The following KIF26B variants were observed in gnomAD, a reference collection of about 807,000 sequenced individuals.
KIF26B encodes the protein kinesin family member 26B, also known as kinesin-like protein KIF26B.
Under a neutral mutation model 151.2 loss-of-function variants are expected in KIF26B, and 63 were observed. That is an observed-to-expected ratio of 0.42 (90% CI 0.34 to 0.51). The LOEUF (loss-of-function observed/expected upper bound fraction) is 0.51. KIF26B is among the 20% of genes least tolerant of loss of function. The probability of loss-of-function intolerance (pLI) is 0.07; values close to 1 mark genes in which losing one functional copy is unlikely to be tolerated. For missense variants in KIF26B, 2,813 were observed against 2,913.6 expected, an observed-to-expected ratio of 0.97 and a Z score of 0.79; for synonymous variants, 1,357 against 1,262.1, an observed-to-expected ratio of 1.08 and a Z score of -1.59.
chr1:245,474,130 A>C (rs1213402735), intron 4 of KIF26B, among the ~76,000 whole-genome samples: 1 of 132,542 alleles, frequency 7.5e-6, no homozygotes, highest in Non-Finnish European at 1.6e-5. Context: ...TTTTTTTGAG[A>C]TGGAGTCTCG....
chr1:245,506,481 A>T (rs1439078807), intron 4 of KIF26B, among the ~76,000 whole-genome samples: 8 of 152,242 alleles, frequency 5.3e-5, no homozygotes, highest in Admixed American at 5.2e-4. Context: ...AATCTGTATT[A>T]TGATCTTGTC....
chr1:245,346,833 CA>C (rs1672466356), intron 2 of KIF26B, among the ~76,000 whole-genome samples: 1 of 152,220 alleles, frequency 6.6e-6, no homozygotes, highest in African/African-American at 2.4e-5. Context: ...TCTTCCACCT[CA>C]CTGAAGTGCA....
Position 245,519,716 on chromosome 1 carries a change from G to C in KIF26B, c.1167-21051G>C, listed in dbSNP as rs111793849. ...TATAGCCTCCTACACACCTAGGCTA[G>C]AGGGTAGGACTGTTGCTGTACTGAA... is the stretch of plus-strand genomic sequence containing the variant. On this transcript the variant is annotated intron_variant, in intron 4 of 14. Coordinates refer to ENST00000407071, the MANE Select transcript of KIF26B (RefSeq NM_018012.4). Among the ~76,000 whole-genome samples, 643 of 152,300 alleles carry C rather than the reference G, an allele frequency of 4.2e-3. 7 individuals carry two copies. Among genetic ancestry groups the C allele is most frequent in the African/African-American group, 0.015 (605 of 41,556 alleles).
intron 4 of KIF26B, among the ~76,000 whole-genome samples, chr1:245,497,201 A>G (rs1306395587): frequency 6.6e-6 from 1 of 152,168 alleles, no homozygotes; most frequent in African/African-American, 2.4e-5. Context: ...TTAATGTTAA[A>G]TAGCCAAAAA....
intron 5 of KIF26B, among the ~76,000 whole-genome samples, chr1:245,570,695 G>T (rs961890197): frequency 4.6e-5 from 7 of 152,210 alleles, no homozygotes; most frequent in African/African-American, 1.7e-4. Flanking sequence ...AGCTCTTGGT[G>T]TTTGCTCTTC....
At chr1:245,435,053 CTCCATCCA>C (rs60351520) in intron 4 of KIF26B, among the ~76,000 whole-genome samples, 67,070 of 131,914 alleles carry the variant, frequency 0.51, 16,194 homozygotes, top group East Asian at 0.72. Flanking sequence ...CCATCCATCT[CTCCATCCA>C]TCCATCCATC....
intron 3 of KIF26B, among the ~76,000 whole-genome samples, chr1:245,412,650 T>A: frequency 6.6e-6 from 1 of 152,226 alleles, no homozygotes; most frequent in Non-Finnish European, 1.5e-5. Flanking sequence ...GTCAAGATGG[T>A]AACCACATTT....
intron 5 of KIF26B, among the ~76,000 whole-genome samples, chr1:245,545,309 C>T (rs1339725929): frequency 1.3e-5 from 2 of 152,114 alleles, no homozygotes; most frequent in African/African-American, 2.4e-5. Context: ...TCCATCTTGG[C>T]GAGGCTGGTC....
At chr1:245,192,287 A>T (rs2103533465) in intron 2 of KIF26B, among the ~76,000 whole-genome samples, 1 of 152,224 alleles carries the variant, frequency 6.6e-6, no homozygotes. Context: ...AGTGATAAAA[A>T]AGCAGGATAT....
chr1:245,543,018 G>A (rs557645660), intron 5 of KIF26B, among the ~76,000 whole-genome samples: 8 of 152,240 alleles, frequency 5.3e-5, no homozygotes, highest in South Asian at 2.1e-4. Context: ...CCCCAATACC[G>A]CCCTGTCCAG....
At chr1:245,327,478 A>G (rs1275336363) in intron 2 of KIF26B, among the ~76,000 whole-genome samples, 2 of 152,096 alleles carry the variant, frequency 1.3e-5, no homozygotes, top group Non-Finnish European at 2.9e-5. Flanking sequence ...CTGCTCCCCA[A>G]ACTTTTAGCT....
Position 245,318,257 on chromosome 1 carries a change from A to G in KIF26B, c.466-48577A>G, listed in dbSNP as rs560748471. Among the ~76,000 whole-genome samples, 1 of 152,270 alleles carries G rather than the reference A, an allele frequency of 6.6e-6. No individual in the cohort carries two copies. Among genetic ancestry groups the G allele is most frequent in the East Asian group, 1.9e-4 (1 of 5,170 alleles). ...TAAGACAAAACAAATCAATCAGTCA[A>G]CGTCAACTCTTGTCATTGCTTGGGG... On this transcript the variant is annotated intron_variant, in intron 2 of 14. Coordinates refer to ENST00000407071, the MANE Select transcript of KIF26B (RefSeq NM_018012.4). The surrounding 1 kb of genome is among the most constrained non-coding windows in gnomAD (Gnocchi z 4.0).
In KIF26B at chr1:245,685,995, T is replaced by C. The variant is rs769560334; in HGVS notation, c.3012T>C (p.Ser1004=). The change falls in exon 12 of 15, where the codon AGT becomes AGC. Residue 1004 remains serine, a synonymous_variant. Transcript: ENST00000407071. ...PELPASKMQR[S]HSPVPAAAPA... Reference sequence around the variant, plus strand: ...TCCCAGCCTCCAAGATGCAGAGGAGTCACTCACCTGTGCCCGCCGCGGCAC... The same window carrying C: ...TCCCAGCCTCCAAGATGCAGAGGAGCCACTCACCTGTGCCCGCCGCGGCAC... 26 of 1,591,616 alleles carry C rather than the reference T, an allele frequency of 1.6e-5. No homozygotes were observed. The highest frequency in any genetic ancestry group is 2.2e-5 in the Non-Finnish European group (26 of 1,169,946).
chr1:245,413,333 A>G (rs1331008861), intron 3 of KIF26B, among the ~76,000 whole-genome samples: 2 of 152,204 alleles, frequency 1.3e-5, no homozygotes, highest in African/African-American at 4.8e-5. Context: ...AATTCCTAAG[A>G]GTCTAACACG....
intron 4 of KIF26B, among the ~76,000 whole-genome samples, chr1:245,538,858 G>A (rs997351217): frequency 7.2e-5 from 11 of 152,140 alleles, no homozygotes; most frequent in African/African-American, 2.7e-4. Flanking sequence ...GTGTTAGAAG[G>A]TGCCATGATG....
At chr1:245,630,633 G>A (rs1239052027) in intron 9 of KIF26B, among the ~76,000 whole-genome samples, 2 of 152,124 alleles carry the variant, frequency 1.3e-5, no homozygotes, top group East Asian at 1.9e-4. Context: ...CCTAATGCAT[G>A]TGGGGCTTAA....
chr1:245,549,920 A>G (rs1661837567), intron 5 of KIF26B, among the ~76,000 whole-genome samples: 1 of 152,178 alleles, frequency 6.6e-6, no homozygotes, highest in African/African-American at 2.4e-5. Context: ...AGCTGGGATT[A>G]CAGGCATATG....
intron 10 of KIF26B, among the ~76,000 whole-genome samples, chr1:245,662,835 TC>T (rs1280908020): frequency 9.4e-6 from 1 of 106,370 alleles, no homozygotes; most frequent in East Asian, 4.5e-4. Context: ...AGACTTCCAA[TC>T]CCTTCTTGGC....
At chr1:245,357,073 T>A (rs1046114270) in intron 2 of KIF26B, among the ~76,000 whole-genome samples, 3 of 152,188 alleles carry the variant, frequency 2.0e-5, no homozygotes, top group African/African-American at 4.8e-5. Flanking sequence ...TGGTTCAGGC[T>A]GAGTCAGGGA....
Sources: gnomAD v4.1 joint callset for allele counts (sites outside exome capture counted in the v4.1 genomes callset) on GRCh38, gnomAD v4.1.1 for gene constraint, Gnocchi (gnomAD v3.1) non-coding constraint, MANE v1.5 for transcripts, NCBI Gene and HGNC (gene_info 2026-07-23, HGNC 2026-07-21) for gene names.